The following GJB6 variants were observed in gnomAD, a reference collection of about 807,000 sequenced individuals.
GJB6 encodes the protein gap junction protein beta 6.
Under a neutral mutation model 5.4 loss-of-function variants are expected in GJB6, and 5 were observed. The ratio of observed to expected loss-of-function variants is 0.92; its 90% CI spans 0.48 to 1.93. The LOEUF (loss-of-function observed/expected upper bound fraction) is 1.93, where lower values mean the gene tolerates loss of function less well. Among genes scored for constraint, GJB6 ranks in the 30% most tolerant of loss-of-function variants. The pLI, the probability that GJB6 is intolerant of heterozygous loss-of-function variation, is 0.01. For missense variants in GJB6, 298 were observed against 326.9 expected (o/e 0.91, Z 0.68); for synonymous variants, 136 against 129.6 (o/e 1.05, Z -0.34).
At chr13:20,229,123 CAA>C (rs5802041) in intron 4 of GJB6, among the ~76,000 whole-genome samples, 159 of 43,856 alleles carry the variant, frequency 3.6e-3, no homozygotes, top group Admixed American at 5.7e-3. Flanking sequence ...TGTCATTTAG[CAA>C]AAAAAAAAAA....
chr13:20,229,322 T>TA (rs2137354379), intron 4 of GJB6, among the ~76,000 whole-genome samples: 1 of 109,102 alleles, frequency 9.2e-6, no homozygotes, highest in Admixed American at 8.7e-5. Flanking sequence ...TTAATTTTTT[T>TA]TTTTTTTTTT....
Position 20,230,999 on chromosome 13 carries a change from T to C in GJB6, c.-295-192A>G, listed in dbSNP as rs886050036. The C allele has an allele frequency of 7.9e-5, 12 of 152,200 alleles. No homozygotes were observed. Among genetic ancestry groups the C allele is most frequent in the Non-Finnish European group, 1.6e-4 (11 of 68,096 alleles). The allele number at this position is 152,200 out of a possible 1,614,324, so 9.4% of individuals were successfully genotyped here. A position where few individuals can be genotyped will look rare whatever the true frequency, so the allele number is the denominator to read the frequency against. On this transcript the variant is annotated intron_variant, in intron 2 of 4. Coordinates refer to ENST00000647029, the MANE Select transcript of GJB6 (RefSeq NM_001110219.3). The stretch of plus-strand genomic sequence containing the variant: ...TATGTGACAGGCTAGAGCCCTGGTG[T>C]TCTCTCTTCAGAACCCCCCTCTCCT...
In GJB6 at chr13:20,223,386, C is replaced by T. The variant is rs766604251; in HGVS notation, c.95G>A (p.Arg32Gln). 9.9e-6 allele frequency: 16 copies of T among 1,613,956 alleles called. No individual in the cohort carries two copies. The highest frequency in any genetic ancestry group is 2.2e-5 in the East Asian group (1 of 44,884). Residue 32 changes from arginine to glutamine, a missense_variant, in exon 5 of 5, where the codon CGA becomes CAA. Physicochemically the swap from Arg to Gln is conservative, Grantham distance 43. Coordinates refer to ENST00000647029, the MANE Select transcript of GJB6 (RefSeq NM_001110219.3). ...KVWITVIFIF[R>Q]VMILVVAAQE... ...GGCAGCCACCACGAGGATCATGACTCGGAAAATAAAGATGACTGTGATCCA... is the reference window on the plus strand; with the variant it reads ...GGCAGCCACCACGAGGATCATGACTTGGAAAATAAAGATGACTGTGATCCA...
intron 3 of GJB6, 45 bp from the exon 4 acceptor site, chr13:20,229,794 C>A (rs1441671601): frequency 1.7e-4 from 3 of 18,072 alleles, no homozygotes; most frequent in African/African-American, 2.9e-4. Context: ...CCTTTAACTC[C>A]CCCCCCCCCC....
Position 20,223,270 on chromosome 13 carries a change from C to G in GJB6, c.211G>C (p.Val71Leu). The G allele has an allele frequency of 6.2e-7, 1 of 1,611,982 alleles. No individual in the cohort carries two copies. Among genetic ancestry groups the G allele is most frequent in the Non-Finnish European group, 8.5e-7 (1 of 1,178,126 alleles). The change falls in exon 5 of 5, where the codon GTG (valine) becomes CTG (leucine). Residue 71 changes from valine to leucine, a missense_variant. Coordinates refer to ENST00000647029, the MANE Select transcript of GJB6 (RefSeq NM_001110219.3). ...KNVCYDHFFP[V>L]SHIRLWALQL... Reference sequence around the variant, plus strand: ...AGGGCCCACAGCCGGATGTGGGACACCGGGAAAAAGTGGTCATAGCACACA... The same window carrying G: ...AGGGCCCACAGCCGGATGTGGGACAGCGGGAAAAAGTGGTCATAGCACACA...
chr13:20,229,089 T>TAGATAGC (rs1222106075), intron 4 of GJB6, among the ~76,000 whole-genome samples: 3 of 132,764 alleles, frequency 2.3e-5, no homozygotes, highest in Non-Finnish European at 4.7e-5. Context: ...CATATTTTTC[T>TAGATAGC]AGATAGCTCT....
At chr13:20,223,821 T>C (rs1167271424) in intron 4 of GJB6, among the ~76,000 whole-genome samples, 1 of 151,794 alleles carries the variant, frequency 6.6e-6, no homozygotes, top group South Asian at 2.1e-4. Context: ...AAAAAAAAAT[T>C]AGCCTGGCGT....
In GJB6 at chr13:20,222,743, C is replaced by A. The variant is rs1380488933; in HGVS notation, c.738G>T (p.Glu246Asp). Residue 246 changes from glutamate (E) to aspartate (D), a missense_variant, in exon 5 of 5, where the codon GAG becomes GAT. Transcript: ENST00000647029. ...CATTTTGACCACTATCTGAAATCAGCTCATTCATTTCATTCTGCTTACTCT... is the reference window on the plus strand; with the variant it reads ...CATTTTGACCACTATCTGAAATCAGATCATTCATTTCATTCTGCTTACTCT... ...LKESKQNEMNELISDSGQNAI... is the reference protein window; with the variant it reads ...LKESKQNEMNDLISDSGQNAI... 6.2e-7 allele frequency: 1 copy of A among 1,614,078 alleles called. No individual in the cohort carries two copies. The highest frequency in any genetic ancestry group is 1.1e-5 in the South Asian group (1 of 91,076).
Position 20,230,755 on chromosome 13 carries a change from T to C in GJB6, c.-243A>G, listed in dbSNP as rs893291525. 3 of 152,248 alleles carry C rather than the reference T, an allele frequency of 2.0e-5. No homozygotes were observed. Among genetic ancestry groups the C allele is most frequent in the Non-Finnish European group, 4.4e-5 (3 of 68,044 alleles). 9.4% of individuals were successfully genotyped at this position (152,248 alleles called of 1,614,324 possible). A position where few individuals can be genotyped will look rare whatever the true frequency, so the allele number is the denominator to read the frequency against. The stretch of plus-strand genomic sequence containing the variant: ...AAGAGGGCGTACAAGTTAGAATTTT[T>C]CTTTCGCCATACAGAAATTGTTTAG... On this transcript the variant is annotated 5_prime_UTR_variant, in exon 3 of 5. Transcript: ENST00000647029.
intron 4 of GJB6, among the ~76,000 whole-genome samples, chr13:20,229,188 G>A (rs1238754162): frequency 8.0e-6 from 1 of 125,050 alleles, no homozygotes; most frequent in Non-Finnish European, 1.6e-5. Context: ...TTGCCCTGTT[G>A]CCCAGGGTGG....
chr13:20,223,055 GA>G lies in GJB6; in HGVS notation c.425del (p.Phe142SerfsTer26). 1.9e-6 allele frequency: 3 copies of G among 1,613,390 alleles called. No homozygotes were observed. The highest frequency in any genetic ancestry group is 3.3e-4 in the Middle Eastern group (2 of 6,062). The part of the protein sequence containing the change: ...LWWTYTSSIF[F>X]RIIFEAAFMY... ...TAAAGGCTGCTTCAAAGATGATTCG[GA>G]AAAAGATGCTGCTGGTGTACGTCCA... On this transcript the variant is annotated frameshift_variant, in exon 5 of 5. Coordinates refer to ENST00000647029, the MANE Select transcript of GJB6 (RefSeq NM_001110219.3). LOFTEE classifies it low-confidence loss of function (END_TRUNC).
At chr13:20,230,641 C>G (rs957561720) in intron 3 of GJB6, 57 bp downstream of exon 3, 2 of 152,200 alleles carry the variant, frequency 1.3e-5, no homozygotes, top group Non-Finnish European at 2.9e-5. Context: ...AAATCACTTT[C>G]CCACAATTTT....
Position 20,223,128 on chromosome 13 carries a change from A to T in GJB6, c.353T>A (p.Ile118Lys), listed in dbSNP as rs530181250. The change falls in exon 5 of 5, where the codon ATA (isoleucine) becomes AAA (lysine). Residue 118 changes from isoleucine (I) to lysine (K), a missense_variant. Ile to Lys is a moderately radical substitution (Grantham distance 102, BLOSUM62 -3). Coordinates refer to ENST00000647029, the MANE Select transcript of GJB6 (RefSeq NM_001110219.3). The part of the protein sequence containing the change: ...RGEKRNDFKD[I>K]EDIKKQKVRI... ...AACCTTCTGCTTTTTAATGTCCTCT[A>T]TGTCTTTGAAATCATTCCTCTTCTC... 3.1e-6 allele frequency: 5 copies of T among 1,613,950 alleles called. No individual in the cohort carries two copies. In the East Asian group the frequency reaches 8.9e-5, roughly 29 times the overall value.
chr13:20,223,801 T>A (rs1182085523), intron 4 of GJB6, among the ~76,000 whole-genome samples: 3 of 151,334 alleles, frequency 2.0e-5, no homozygotes, highest in Non-Finnish European at 2.9e-5. Context: ...CCATCTCTAC[T>A]AACAATACGA....
At chr13:20,227,294 G>A (rs566310937) in intron 4 of GJB6, among the ~76,000 whole-genome samples, 11 of 152,176 alleles carry the variant, frequency 7.2e-5, no homozygotes, top group African/African-American at 1.9e-4. Flanking sequence ...TCTCGATACC[G>A]GTACTAAAAA....
intron 4 of GJB6, among the ~76,000 whole-genome samples, 155 bp downstream of exon 4, chr13:20,229,425 G>C (rs546829133): frequency 6.7e-6 from 1 of 148,660 alleles, no homozygotes; most frequent in East Asian, 2.0e-4. Flanking sequence ...AAAGTGTTGG[G>C]ATTACAGGCA....
Position 20,228,642 on chromosome 13 carries a change from G to A in GJB6, c.-16+938C>T, listed in dbSNP as rs541822001. ...TGGGACTACAGGCGCCTGCCACCAA[G>A]CCCGGCTAATTTTTTGTATTTTTAG... On this transcript the variant is annotated intron_variant, in intron 4 of 4. Transcript: ENST00000647029. Among the ~76,000 whole-genome samples the A allele has an allele frequency of 3.0e-4, 46 of 150,996 alleles. No individual in the cohort carries two copies. In the South Asian group the frequency reaches 3.6e-3, roughly 12 times the overall value.
intron 4 of GJB6, 79 bp from the exon 5 acceptor site, chr13:20,223,574 GC>G: frequency 9.1e-7 from 1 of 1,098,500 alleles, no homozygotes; most frequent in South Asian, 1.2e-5. Flanking sequence ...ACAGACTGAA[GC>G]CAACTTTATT....
At chr13:20,228,088 A>T (rs1797002002) in intron 4 of GJB6, among the ~76,000 whole-genome samples, 1 of 152,228 alleles carries the variant, frequency 6.6e-6, no homozygotes, top group Non-Finnish European at 1.5e-5. Context: ...GTTGGAGAAG[A>T]TTTGAAGGCT....
Sources: gnomAD v4.1 joint callset for allele counts (sites outside exome capture counted in the v4.1 genomes callset) on GRCh38, gnomAD v4.1.1 for gene constraint, MANE v1.5 for transcripts, NCBI Gene and HGNC (gene_info 2026-07-23, HGNC 2026-07-21) for gene names.